The following SHROOM4 variants were observed in gnomAD, a reference collection of about 807,000 sequenced individuals.
SHROOM4 encodes protein Shroom4.
SHROOM4 carries 17 observed loss-of-function variants against 80.3 expected under a neutral mutation model. The ratio of observed to expected loss-of-function variants is 0.21; its 90% CI spans 0.14 to 0.32. The LOEUF (loss-of-function observed/expected upper bound fraction) is 0.32. Ranked by LOEUF, SHROOM4 falls within the 10% of genes least tolerant of loss-of-function variation. SHROOM4 has a pLI of 1.00. For synonymous variants in SHROOM4, 400 were observed against 437.5 expected, an observed-to-expected ratio of 0.91 and a Z score of 1.07; for missense variants, 993 against 1,140.3, an observed-to-expected ratio of 0.87 and a Z score of 1.86.
chrX:50,655,482 T>C (rs377204994), intron 2 of SHROOM4, among the ~76,000 whole-genome samples: 5 of 107,382 alleles, frequency 4.7e-5, no homozygotes, highest in African/African-American at 1.7e-4. Flanking sequence ...TTTCATTGTA[T>C]ATGTGTGTGT....
chrX:50,605,191 G>C (rs1024709408), intron 6 of SHROOM4, among the ~76,000 whole-genome samples: 35 of 111,877 alleles, frequency 3.1e-4, no homozygotes, highest in African/African-American at 1.1e-3. Context: ...GAGATCTTGT[G>C]ATAAAGTTAC....
At chrX:50,650,055 A>G (rs1557258459) in intron 2 of SHROOM4, among the ~76,000 whole-genome samples, 1 of 112,388 alleles carries the variant, frequency 8.9e-6, no homozygotes, top group East Asian at 2.8e-4. Context: ...GTTTGTCATT[A>G]CAAACCATGT....
At chrX:50,599,663 T>C (rs1412562511) in intron 7 of SHROOM4, among the ~76,000 whole-genome samples, 1 of 111,639 alleles carries the variant, frequency 9.0e-6, no homozygotes, top group African/African-American at 3.3e-5. Flanking sequence ...CAACACTCAT[T>C]CTTGTGTTCC....
chrX:50,745,338 G>A (rs1557267526), intron 1 of SHROOM4, among the ~76,000 whole-genome samples: 2 of 111,240 alleles, frequency 1.8e-5, no homozygotes, highest in African/African-American at 6.5e-5. Context: ...CATAGGCTAT[G>A]TTACTATTTG....
At chrX:50,642,537 C>T (rs1931641562) in intron 2 of SHROOM4, among the ~76,000 whole-genome samples, 1 of 112,021 alleles carries the variant, frequency 8.9e-6, no homozygotes. Flanking sequence ...CTAACTGCAA[C>T]CTCAGACTCC....
At chrX:50,735,043 G>A (rs574608037) in intron 1 of SHROOM4, among the ~76,000 whole-genome samples, 586 of 111,046 alleles carry the variant, frequency 5.3e-3, no homozygotes, top group Non-Finnish European at 9.3e-3. Flanking sequence ...TTTATTAGCA[G>A]CTGAGAACAG....
intron 1 of SHROOM4, among the ~76,000 whole-genome samples, chrX:50,754,940 ACTTC>A (rs1243976556): frequency 8.9e-6 from 1 of 112,231 alleles, no homozygotes; most frequent in Non-Finnish European, 1.9e-5. Context: ...GTGCACTGTG[ACTTC>A]AGGCAGATCA....
At chrX:50,597,686 A>C (rs1929178892) in intron 8 of SHROOM4, among the ~76,000 whole-genome samples, 1 of 111,728 alleles carries the variant, frequency 9.0e-6, no homozygotes, top group African/African-American at 3.3e-5. Context: ...TAATCCCATA[A>C]GGCAGGTAGT....
At chrX:50,766,362 A>T (rs1488402232) in intron 1 of SHROOM4, among the ~76,000 whole-genome samples, 1 of 111,517 alleles carries the variant, frequency 9.0e-6, no homozygotes, top group Non-Finnish European at 1.9e-5. Flanking sequence ...ACACACACAC[A>T]CACAGGATCA....
At chrX:50,662,417 C>T (rs928387736) in intron 2 of SHROOM4, among the ~76,000 whole-genome samples, 1 of 110,021 alleles carries the variant, frequency 9.1e-6, no homozygotes, top group East Asian at 2.9e-4. Context: ...AGGAGAATCA[C>T]GTGAACCTGG....
At chrX:50,793,903 GA>G (rs1239502743) in intron 1 of SHROOM4, among the ~76,000 whole-genome samples, 1 of 106,710 alleles carries the variant, frequency 9.4e-6, no homozygotes, top group Non-Finnish European at 1.9e-5. Flanking sequence ...AAAGTAGAAG[GA>G]AAAAAAAAGA....
At chrX:50,754,704 T>C (rs782626195) in intron 1 of SHROOM4, among the ~76,000 whole-genome samples, 1 of 111,903 alleles carries the variant, frequency 8.9e-6, no homozygotes, top group African/African-American at 3.2e-5. Flanking sequence ...CACTGATCTC[T>C]TACCTGCCAC....
At chrX:50,736,417 C>A (rs1296672420) in intron 1 of SHROOM4, among the ~76,000 whole-genome samples, 1 of 110,733 alleles carries the variant, frequency 9.0e-6, no homozygotes, top group Non-Finnish European at 1.9e-5. Flanking sequence ...CCCCAGCATA[C>A]CCCCCAACAA....
chrX:50,583,009 T>G (rs1283523890), downstream of SHROOM4, among the ~76,000 whole-genome samples: 1 of 109,565 alleles, frequency 9.1e-6, no homozygotes, highest in Non-Finnish European at 1.9e-5. Flanking sequence ...CATTTATTTT[T>G]CAACGGATTG....
At chrX:50,740,722 G>T (rs182027231) in intron 1 of SHROOM4, among the ~76,000 whole-genome samples, 1 of 111,942 alleles carries the variant, frequency 8.9e-6, no homozygotes, top group Admixed American at 9.5e-5. Flanking sequence ...CTCAAAAAAT[G>T]TAAAACAATT....
chrX:50,608,248 T>C, intron 5 of SHROOM4, 64 bp from the exon 6 acceptor site: 1 of 1,054,986 alleles, frequency 9.5e-7, no homozygotes, highest in Non-Finnish European at 1.3e-6. Flanking sequence ...ATATTTTGGA[T>C]GACAACATTT....
At chrX:50,649,817 A>T (rs782027036) in intron 2 of SHROOM4, 30 of 112,542 alleles carry the variant, frequency 2.7e-4, no homozygotes, top group African/African-American at 8.1e-4. Context: ...GAAATAGTGA[A>T]TTTTATGGTA....
rs1283817086 is a variant in SHROOM4, at chrX:50,594,585, G to A, written c.*2110C>T. The A allele has an allele frequency of 2.7e-5, 3 of 111,540 alleles. No homozygotes were observed. Among genetic ancestry groups the A allele is most frequent in the African/African-American group, 9.8e-5 (3 of 30,653 alleles). 9.2% of individuals were successfully genotyped at this position (111,540 alleles called of 1,213,427 possible). On this transcript the variant is annotated 3_prime_UTR_variant, in exon 9 of 9. Transcript: ENST00000376020. ...TTCCCTAGGCCCATATTCCCAAAAA[G>A]GTGCTCTAGCCCACAAATTCTGAGA...
At position 50,709,606 on chromosome X, in the gene SHROOM4, C is replaced by A. The variant is rs1180904835; in HGVS notation, c.118-13669G>T. Among the ~76,000 whole-genome samples the A allele has an allele frequency of 3.6e-5, 4 of 112,139 alleles. No homozygotes were observed. In the East Asian group the frequency reaches 8.4e-4, roughly 24 times the overall value. ...AATAAGTCCAGTACAAACTGAAATT[C>A]CTGCTGTGCAGGTTGGAGAAAAGGA... is the stretch of plus-strand genomic sequence containing the variant. On this transcript the variant is annotated intron_variant, in intron 1 of 8. Transcript: ENST00000376020.
Sources: allele counts gnomAD v4.1 joint callset (sites outside exome capture counted in the v4.1 genomes callset), GRCh38; gene constraint gnomAD v4.1.1; transcripts MANE v1.5; gene names NCBI Gene and HGNC (gene_info 2026-07-23, HGNC 2026-07-21).